The following TCF7L2 variants were observed in gnomAD, a reference collection of about 807,000 sequenced individuals.
TCF7L2 encodes the protein transcription factor 7-like 2.
A neutral mutation model predicts 77.9 loss-of-function variants in TCF7L2; 23 were observed. That is an observed-to-expected ratio of 0.30 (90% CI 0.21 to 0.42). The LOEUF (loss-of-function observed/expected upper bound fraction) is 0.42. Among genes scored for constraint, TCF7L2 ranks in the 10% least tolerant of loss-of-function variants. The probability of loss-of-function intolerance (pLI) is 1.00; values close to 1 mark genes in which losing one functional copy is unlikely to be tolerated. For synonymous variants in TCF7L2, 413 were observed against 340.2 expected (o/e 1.21, Z -2.36); for missense variants, 654 against 793.1 (o/e 0.82, Z 2.11).
intron 5 of TCF7L2, among the ~76,000 whole-genome samples, chr10:113,101,718 C>G (rs1254435036): frequency 5.3e-5 from 8 of 151,826 alleles, no homozygotes; most frequent in African/African-American, 1.9e-4. Context: ...TGGCGGCCGC[C>G]TGTAGTCCCA....
chr10:112,980,454 A>G (rs1054590854), intron 4 of TCF7L2, among the ~76,000 whole-genome samples: 5 of 152,180 alleles, frequency 3.3e-5, no homozygotes, highest in African/African-American at 1.2e-4. Flanking sequence ...AGTTATCTAG[A>G]TAAGGGCTTG....
At chr10:113,127,379 C>T (rs2065825371) in intron 5 of TCF7L2, among the ~76,000 whole-genome samples, 1 of 152,008 alleles carries the variant, frequency 6.6e-6, no homozygotes, top group Admixed American at 6.5e-5. Flanking sequence ...CTCCAAGACC[C>T]ATTTCCCCTT....
At chr10:113,152,192 G>A (rs568349516) in intron 10 of TCF7L2, 141 bp from the exon 11 acceptor site, 7 of 864,240 alleles carry the variant, frequency 8.1e-6, no homozygotes, top group East Asian at 4.8e-5. Context: ...CGGTCAGTAT[G>A]TACAGATTAT....
At chr10:113,066,979 G>T (rs79545939) in intron 5 of TCF7L2, among the ~76,000 whole-genome samples, 3,026 of 152,326 alleles carry the variant, frequency 0.02, 38 homozygotes, top group Middle Eastern at 0.031. Flanking sequence ...TCTTCAGAAG[G>T]CGATATTAGA....
chr10:113,082,548 T>G, intron 5 of TCF7L2, among the ~76,000 whole-genome samples: 1 of 152,188 alleles, frequency 6.6e-6, no homozygotes, highest in East Asian at 1.9e-4. Context: ...AAAACACTTT[T>G]TCTTGGTCAT....
At chr10:113,129,664 C>G (rs1023211684) in intron 5 of TCF7L2, 1 of 1,186,568 alleles carries the variant, frequency 8.4e-7, no homozygotes, top group Non-Finnish European at 1.1e-6. Context: ...CCTACTCGGC[C>G]AGGAATCTGG....
chr10:113,073,541 A>C (rs536334587), intron 5 of TCF7L2, among the ~76,000 whole-genome samples: 11 of 149,226 alleles, frequency 7.4e-5, no homozygotes, highest in African/African-American at 2.7e-4. Flanking sequence ...AAATCAAAAA[A>C]ATTAGCTGGG....
intron 5 of TCF7L2, among the ~76,000 whole-genome samples, chr10:113,135,708 C>G (rs1048012048): frequency 6.6e-6 from 1 of 152,176 alleles, no homozygotes; most frequent in Middle Eastern, 3.2e-3. Flanking sequence ...TGTCTTTACC[C>G]CTTCCATCCC....
intron 4 of TCF7L2, among the ~76,000 whole-genome samples, chr10:113,015,282 T>C (rs1446646303): frequency 3.9e-5 from 6 of 152,218 alleles, no homozygotes; most frequent in Admixed American, 3.9e-4. Flanking sequence ...AATTAGTTAA[T>C]GTTTGCAGAG....
Position 113,003,574 on chromosome 10 carries a change from G to A in TCF7L2, c.451-36451G>A, listed in dbSNP as rs78704702. ...CTTTGCTTCTTGTAACTTACCAAACGATTTATGGGCAAGTAGGGGAGGTGA... is the reference window on the plus strand; with the variant it reads ...CTTTGCTTCTTGTAACTTACCAAACAATTTATGGGCAAGTAGGGGAGGTGA... On this transcript the variant is annotated intron_variant, in intron 4 of 13. Transcript: ENST00000627217. 3.3e-3 allele frequency among the ~76,000 whole-genome samples: 503 copies of A among 152,266 alleles called. 10 individuals are homozygous for A. Among genetic ancestry groups the A allele is most frequent in the East Asian group, 0.017 (86 of 5,180 alleles).
At chr10:113,043,108 C>CT (rs1345139358) in intron 5 of TCF7L2, among the ~76,000 whole-genome samples, 1 of 152,206 alleles carries the variant, frequency 6.6e-6, no homozygotes, top group Non-Finnish European at 1.5e-5. Flanking sequence ...TTGGGCCAAG[C>CT]TATTTCATAA....
In TCF7L2 at chr10:113,086,117, G is replaced by C. The variant is rs531773647; in HGVS notation, c.552+45991G>C. Among the ~76,000 whole-genome samples the C allele has an allele frequency of 9.2e-5, 14 of 152,312 alleles. No homozygotes were observed. In the South Asian group the frequency reaches 2.5e-3, roughly 27 times the overall value. Reference sequence around the variant, plus strand: ...CTTCAGTACTTTGCCCACTCGTCATGTCAGGAGCATGAAACTCACGAGGCC... The same window carrying C: ...CTTCAGTACTTTGCCCACTCGTCATCTCAGGAGCATGAAACTCACGAGGCC... On this transcript the variant is annotated intron_variant, in intron 5 of 13. Transcript: ENST00000627217.
chr10:113,148,969 C>T (rs138893162), intron 8 of TCF7L2, among the ~76,000 whole-genome samples: 2,361 of 152,332 alleles, frequency 0.015, 22 homozygotes, highest in Non-Finnish European at 0.021. Context: ...TACACACACA[C>T]ACTCACACAT....
At chr10:112,999,412 C>T (rs922240512) in intron 4 of TCF7L2, among the ~76,000 whole-genome samples, 1 of 152,154 alleles carries the variant, frequency 6.6e-6, no homozygotes, top group Admixed American at 6.5e-5. Flanking sequence ...GGGAGGTTTA[C>T]GAGTCCTTCT....
intron 5 of TCF7L2, among the ~76,000 whole-genome samples, chr10:113,112,336 T>TCA (rs147018860): frequency 3.9e-5 from 6 of 152,056 alleles, no homozygotes; most frequent in Admixed American, 2.0e-4. Context: ...CCAGGCATGT[T>TCA]CACACACACA....
At chr10:113,141,141 G>A (rs748483745) in intron 5 of TCF7L2, 43 bp from the exon 6 acceptor site, 17 of 1,608,090 alleles carry the variant, frequency 1.1e-5, no homozygotes, top group Non-Finnish European at 1.4e-5. Flanking sequence ...CTGGGCTGCT[G>A]GAACCGGCTT....
At chr10:113,066,843 C>T (rs2057326827) in intron 5 of TCF7L2, among the ~76,000 whole-genome samples, 1 of 152,236 alleles carries the variant, frequency 6.6e-6, no homozygotes, top group South Asian at 2.1e-4. Context: ...GCTGGGCTGC[C>T]CTGCAGCTTG....
intron 4 of TCF7L2, among the ~76,000 whole-genome samples, chr10:112,990,404 G>C (rs766744991): frequency 1.6e-4 from 24 of 152,108 alleles, no homozygotes; most frequent in Non-Finnish European, 3.2e-4. Flanking sequence ...GAACCTAAAG[G>C]TTGCTAAAAA....
At chr10:112,951,654 G>T (rs757033228) in intron 3 of TCF7L2, 47 bp downstream of exon 3, 114 of 943,056 alleles carry the variant, frequency 1.2e-4, no homozygotes, top group Non-Finnish European at 1.3e-4. Flanking sequence ...GCCCGCCCGC[G>T]CCGCCCGCCG....
Sources: allele counts gnomAD v4.1 joint callset (sites outside exome capture counted in the v4.1 genomes callset), GRCh38; gene constraint gnomAD v4.1.1; transcripts MANE v1.5; gene names NCBI Gene and HGNC (gene_info 2026-07-23, HGNC 2026-07-21).